Variants in PVT1 observed in about 807,000 individuals in gnomAD.
PVT1 encodes CXCR4/PVT1 fusion.
chr8:128,085,367 C>A (rs2130158883), intron 5 of PVT1, among the ~76,000 whole-genome samples: 1 of 152,310 alleles, frequency 6.6e-6, no homozygotes, highest in Middle Eastern at 3.4e-3. Context: ...CCAAAAAAAT[C>A]ATGCAACATG....
At chr8:127,876,870 T>C (rs1485226762) in intron 2 of PVT1, among the ~76,000 whole-genome samples, 2 of 152,202 alleles carry the variant, frequency 1.3e-5, no homozygotes, top group Non-Finnish European at 2.9e-5. Context: ...CCCAGAATCC[T>C]TGGGCAAGCT....
chr8:128,028,238 G>C (rs1813341056), intron 4 of PVT1, among the ~76,000 whole-genome samples: 1 of 152,262 alleles, frequency 6.6e-6, no homozygotes, highest in East Asian at 1.9e-4. Flanking sequence ...GCTGGCAGCT[G>C]CTTCCCGCCT....
intron 4 of PVT1, among the ~76,000 whole-genome samples, chr8:127,994,230 A>C (rs1234945038): frequency 6.6e-6 from 1 of 152,100 alleles, no homozygotes; most frequent in Non-Finnish European, 1.5e-5. Flanking sequence ...TTCTCTCTAC[A>C]GTGCCTCTTG....
intron 3 of PVT1, among the ~76,000 whole-genome samples, chr8:127,972,849 C>G (rs1013991659): frequency 6.6e-6 from 1 of 152,172 alleles, no homozygotes; most frequent in Non-Finnish European, 1.5e-5. Context: ...CTTCTTGAAG[C>G]TCCCAGGTGA....
At chr8:128,044,132 A>G (rs1185014562) in intron 4 of PVT1, among the ~76,000 whole-genome samples, 2 of 150,660 alleles carry the variant, frequency 1.3e-5, no homozygotes, top group African/African-American at 2.5e-5. Flanking sequence ...TACAGGTATG[A>G]GTCACCGCAC....
chr8:127,909,669 G>T (rs973137828), intron 3 of PVT1, among the ~76,000 whole-genome samples: 1 of 152,148 alleles, frequency 6.6e-6, no homozygotes, highest in African/African-American at 2.4e-5. Flanking sequence ...GTCATGGGAG[G>T]TTAGTGCTGT....
intron 2 of PVT1, chr8:127,851,903 AT>A (rs1301129035): frequency 6.6e-6 from 1 of 152,346 alleles, no homozygotes; most frequent in Non-Finnish European, 1.5e-5. Context: ...TTGCCACGCC[AT>A]GCTCACAGTC....
chr8:127,980,301 T>C (rs1816868600), intron 3 of PVT1, among the ~76,000 whole-genome samples: 1 of 152,160 alleles, frequency 6.6e-6, no homozygotes. Context: ...ATTTAGCAAA[T>C]ATGTATATCT....
At chr8:127,858,150 G>C (rs1472745214) in intron 2 of PVT1, among the ~76,000 whole-genome samples, 1 of 152,158 alleles carries the variant, frequency 6.6e-6, no homozygotes, top group South Asian at 2.1e-4. Context: ...CGGCACTTTG[G>C]GAGGCCAAGG....
At chr8:128,072,082 G>A (rs1191195902) in intron 5 of PVT1, among the ~76,000 whole-genome samples, 2 of 152,124 alleles carry the variant, frequency 1.3e-5, no homozygotes. Context: ...AAATTGAGAG[G>A]TTCAGAGGGG....
chr8:127,868,042 C>A (rs1168266175), intron 2 of PVT1, among the ~76,000 whole-genome samples: 1 of 152,176 alleles, frequency 6.6e-6, no homozygotes, highest in Non-Finnish European at 1.5e-5. Context: ...TTAAAATAAT[C>A]TTTTTCTTAT....
intron 4 of PVT1, among the ~76,000 whole-genome samples, chr8:127,998,760 A>C (rs1242084424): frequency 2.5e-4 from 23 of 90,802 alleles, no homozygotes; most frequent in African/African-American, 2.7e-4. Context: ...TTCTTTTCCT[A>C]CCTTCCTTTT....
intron 3 of PVT1, among the ~76,000 whole-genome samples, chr8:127,925,082 T>C (rs985039050): frequency 1.4e-4 from 22 of 152,220 alleles, no homozygotes; most frequent in African/African-American, 5.3e-4. Flanking sequence ...CTCTGCGTGC[T>C]AAGAAATTGT....
chr8:127,812,224 C>CAGGAAGGCAGGAAGGA (rs1814603336), intron 2 of PVT1, among the ~76,000 whole-genome samples: 1 of 128,312 alleles, frequency 7.8e-6, no homozygotes, highest in Non-Finnish European at 1.6e-5. Flanking sequence ...GGCAGGAAGG[C>CAGGAAGGCAGGAAGGA]AGGAAGGCAG....
intron 3 of PVT1, among the ~76,000 whole-genome samples, chr8:127,950,235 G>A (rs567797527): frequency 6.6e-6 from 1 of 152,330 alleles, no homozygotes; most frequent in South Asian, 2.1e-4. Flanking sequence ...TCACTTGGGT[G>A]CTACTGTGTG....
chr8:128,045,778 G>A (rs768453610), intron 4 of PVT1, among the ~76,000 whole-genome samples: 1 of 152,208 alleles, frequency 6.6e-6, no homozygotes, highest in Admixed American at 6.5e-5. Flanking sequence ...GCTCAAGGAT[G>A]GGGATGCTTT....
chr8:127,943,150 G>A (rs888246228), intron 3 of PVT1, among the ~76,000 whole-genome samples: 2 of 152,204 alleles, frequency 1.3e-5, no homozygotes, highest in African/African-American at 4.8e-5. Context: ...ACAGAAGGAG[G>A]TCCTGCACAG....
intron 3 of PVT1, among the ~76,000 whole-genome samples, chr8:127,910,231 G>T (rs1473088330): frequency 6.6e-6 from 1 of 152,170 alleles, no homozygotes; most frequent in Non-Finnish European, 1.5e-5. Flanking sequence ...TGGGAAGATT[G>T]GGGAGATGGA....
chr8:127,902,073 G>A (rs1815765754), intron 3 of PVT1, among the ~76,000 whole-genome samples: 1 of 152,162 alleles, frequency 6.6e-6, no homozygotes, highest in Non-Finnish European at 1.5e-5. Context: ...GAAATGTGTT[G>A]GTGGTTGAAA....
Sources: gnomAD v4.1 joint callset for allele counts (sites outside exome capture counted in the v4.1 genomes callset) on GRCh38, gnomAD v4.1.1 for gene constraint, MANE v1.5 for transcripts, NCBI Gene and HGNC (gene_info 2026-07-23, HGNC 2026-07-21) for gene names.